PTPRO: variants seen among roughly 807,000 people sequenced by gnomAD.
PTPRO encodes the protein protein tyrosine phosphatase receptor type O.
PTPRO carries 62 observed loss-of-function variants against 145.2 expected under a neutral mutation model. The ratio of observed to expected loss-of-function variants is 0.43; its 90% CI spans 0.35 to 0.53. The LOEUF is 0.53. PTPRO is among the 20% of genes least tolerant of loss of function. The pLI is 0.01. For missense variants in PTPRO, 1,345 were observed against 1,482.7 expected (o/e 0.91, Z 1.53); for synonymous variants, 565 against 514.7 (o/e 1.10, Z -1.32).
At chr12:15,507,546 G>T (rs888886199) in intron 6 of PTPRO, among the ~76,000 whole-genome samples, 1 of 152,230 alleles carries the variant, frequency 6.6e-6, no homozygotes, top group Non-Finnish European at 1.5e-5. Context: ...GAGCATCCGT[G>T]TTTTAAGCTC....
At chr12:15,422,724 A>G (rs904049243) in intron 1 of PTPRO, among the ~76,000 whole-genome samples, 1 of 152,148 alleles carries the variant, frequency 6.6e-6, no homozygotes, top group Non-Finnish European at 1.5e-5. Flanking sequence ...TGTCCTTTGC[A>G]TATTTAGGAA....
intron 1 of PTPRO, among the ~76,000 whole-genome samples, chr12:15,391,013 G>T (rs1355568841): frequency 2.0e-5 from 3 of 152,132 alleles, no homozygotes; most frequent in Admixed American, 2.0e-4. Flanking sequence ...AAGCTATCCA[G>T]TCTCTTCTTA....
intron 17 of PTPRO, among the ~76,000 whole-genome samples, chr12:15,561,976 T>C (rs1304866865): frequency 2.0e-5 from 3 of 152,126 alleles, no homozygotes; most frequent in African/African-American, 4.8e-5. Flanking sequence ...CTATTTCTAA[T>C]ACCAATCAAA....
At chr12:15,465,307 C>T (rs1270936065) in intron 1 of PTPRO, among the ~76,000 whole-genome samples, 1 of 152,142 alleles carries the variant, frequency 6.6e-6, no homozygotes, top group Admixed American at 6.5e-5. Context: ...GAAATGGTGA[C>T]AATTTGAAGT....
intron 1 of PTPRO, among the ~76,000 whole-genome samples, chr12:15,369,240 G>A (rs1938452540): frequency 6.6e-6 from 1 of 152,148 alleles, no homozygotes; most frequent in African/African-American, 2.4e-5. Context: ...GAGTTAGTGT[G>A]TTTTAGGGAA....
At chr12:15,485,725 T>C (rs1941871720) in intron 2 of PTPRO, among the ~76,000 whole-genome samples, 1 of 152,156 alleles carries the variant, frequency 6.6e-6, no homozygotes, top group Non-Finnish European at 1.5e-5. Context: ...ATGAAGAAAT[T>C]TGATAGGTAA....
intron 1 of PTPRO, among the ~76,000 whole-genome samples, chr12:15,338,974 G>A (rs1866871014): frequency 6.6e-6 from 1 of 152,062 alleles, no homozygotes; most frequent in South Asian, 2.1e-4. Flanking sequence ...TGTAATACAA[G>A]TGAAAATAAC....
intron 12 of PTPRO, among the ~76,000 whole-genome samples, chr12:15,528,587 G>A (rs770569421): frequency 2.7e-4 from 41 of 151,704 alleles, no homozygotes; most frequent in Non-Finnish European, 5.2e-4. Context: ...GTATTCAAGG[G>A]GGAGCTGAAT....
intron 1 of PTPRO, among the ~76,000 whole-genome samples, chr12:15,397,001 C>T (rs373550122): frequency 6.6e-6 from 1 of 151,886 alleles, no homozygotes; most frequent in Non-Finnish European, 1.5e-5. Context: ...AGAAGCTTAG[C>T]TTTAGCATGA....
intron 2 of PTPRO, among the ~76,000 whole-genome samples, chr12:15,495,888 C>T (rs1026885059): frequency 6.6e-6 from 1 of 152,026 alleles, no homozygotes; most frequent in Non-Finnish European, 1.5e-5. Flanking sequence ...TGTCATCCAG[C>T]CTAAGCAAAG....
intron 17 of PTPRO, among the ~76,000 whole-genome samples, chr12:15,561,420 A>T (rs1175307735): frequency 6.6e-6 from 1 of 152,100 alleles, no homozygotes; most frequent in East Asian, 1.9e-4. Context: ...ATTTCCTCAA[A>T]ATAGAGATTG....
At chr12:15,396,932 A>T (rs1054931691) in intron 1 of PTPRO, among the ~76,000 whole-genome samples, 2 of 152,196 alleles carry the variant, frequency 1.3e-5, no homozygotes, top group Non-Finnish European at 2.9e-5. Context: ...GAAGTGGCTA[A>T]GTTCTATGGC....
intron 1 of PTPRO, among the ~76,000 whole-genome samples, chr12:15,400,147 C>T (rs867766565): frequency 1.7e-4 from 25 of 150,802 alleles, no homozygotes; most frequent in Middle Eastern, 3.4e-3. Context: ...TGCGCCACCA[C>T]GCCCAGCTAG....
chr12:15,393,517 T>C (rs896604121), intron 1 of PTPRO, among the ~76,000 whole-genome samples: 20 of 152,316 alleles, frequency 1.3e-4, no homozygotes, highest in African/African-American at 4.8e-4. Context: ...GTTCCAAGAT[T>C]GTGCATGCAG....
intron 2 of PTPRO, among the ~76,000 whole-genome samples, chr12:15,490,198 A>T (rs750302737): frequency 6.6e-6 from 1 of 152,242 alleles, no homozygotes; most frequent in Non-Finnish European, 1.5e-5. Context: ...TCAAGCAAGT[A>T]TTTGGGGTAG....
intron 1 of PTPRO, among the ~76,000 whole-genome samples, chr12:15,442,044 GA>G (rs1258322077): frequency 2.6e-5 from 4 of 151,708 alleles, no homozygotes; most frequent in Admixed American, 2.6e-4. Flanking sequence ...AAGACACAAT[GA>G]AAAAAAGAAA....
intron 1 of PTPRO, among the ~76,000 whole-genome samples, chr12:15,411,769 G>A (rs961512010): frequency 1.3e-5 from 2 of 152,206 alleles, no homozygotes; most frequent in South Asian, 2.1e-4. Context: ...GTGGTGTCAT[G>A]TTATTCCATT....
intron 1 of PTPRO, among the ~76,000 whole-genome samples, chr12:15,384,883 A>G (rs1373623068): frequency 6.6e-6 from 1 of 152,236 alleles, no homozygotes; most frequent in Non-Finnish European, 1.5e-5. Context: ...AGCAAGACCT[A>G]TGACAAGTAG....
intron 1 of PTPRO, among the ~76,000 whole-genome samples, chr12:15,396,081 T>G (rs1939330865): frequency 6.6e-6 from 1 of 152,190 alleles, no homozygotes; most frequent in African/African-American, 2.4e-5. Flanking sequence ...TTTTAGAAGA[T>G]CCCATATTCT....
Sources: allele counts gnomAD v4.1 joint callset (sites outside exome capture counted in the v4.1 genomes callset), GRCh38; gene constraint gnomAD v4.1.1; transcripts MANE v1.5; gene names NCBI Gene and HGNC (gene_info 2026-07-23, HGNC 2026-07-21).